The following TMEM45A variants were observed in gnomAD, a reference collection of about 807,000 sequenced individuals.
TMEM45A encodes the protein transmembrane protein 45A, also known as DNA polymerase-transactivated protein 4.
TMEM45A carries 25 observed loss-of-function variants against 32.0 expected under a neutral mutation model. That is an observed-to-expected ratio of 0.78 (90% confidence interval 0.57 to 1.09). The LOEUF (loss-of-function observed/expected upper bound fraction) is 1.09. TMEM45A is among the 50% of genes least tolerant of loss of function. The probability of loss-of-function intolerance (pLI) is 0.00; values close to 1 mark genes in which losing one functional copy is unlikely to be tolerated. For synonymous variants in TMEM45A, 122 were observed against 114.8 expected, an observed-to-expected ratio of 1.06 and a Z score of -0.40; for missense variants, 302 against 325.0, an observed-to-expected ratio of 0.93 and a Z score of 0.54.
chr3:100,527,608 T>G (rs1012210393), intron 1 of TMEM45A, among the ~76,000 whole-genome samples: 1 of 152,206 alleles, frequency 6.6e-6, no homozygotes, highest in Non-Finnish European at 1.5e-5. Flanking sequence ...TCTGAAGATT[T>G]CCAGATCTCT....
chr3:100,572,567 G>A (rs902462549), intron 5 of TMEM45A: 10 of 151,660 alleles, frequency 6.6e-5, no homozygotes, highest in African/African-American at 2.2e-4. Context: ...TCACTCTCAT[G>A]GTAGTTTCTT....
At chr3:100,501,083 T>C in intron 1 of TMEM45A, among the ~76,000 whole-genome samples, 1 of 152,194 alleles carries the variant, frequency 6.6e-6, no homozygotes, top group East Asian at 1.9e-4. Flanking sequence ...TTTTAAAAAA[T>C]ACGATATGCT....
At chr3:100,562,391 T>C (rs1182404040) in intron 4 of TMEM45A, among the ~76,000 whole-genome samples, 2 of 152,214 alleles carry the variant, frequency 1.3e-5, no homozygotes, top group Non-Finnish European at 2.9e-5. Flanking sequence ...GGAATGTTTC[T>C]ATGGCTTTCA....
At chr3:100,528,746 G>GT (rs1421024944) in intron 1 of TMEM45A, among the ~76,000 whole-genome samples, 1 of 152,012 alleles carries the variant, frequency 6.6e-6, no homozygotes, top group Admixed American at 6.6e-5. Context: ...GCATTGTACT[G>GT]TTTTTTAAAT....
At chr3:100,493,622 GTA>G (rs1411363533) in intron 1 of TMEM45A, among the ~76,000 whole-genome samples, 1 of 151,490 alleles carries the variant, frequency 6.6e-6, no homozygotes, top group East Asian at 1.9e-4. Flanking sequence ...ATATAGTATG[GTA>G]TATATACTAT....
chr3:100,493,602 T>C (rs375358673), intron 1 of TMEM45A, among the ~76,000 whole-genome samples: 161 of 151,806 alleles, frequency 1.1e-3, no homozygotes, highest in Admixed American at 2.4e-3. Context: ...CTATATAGTA[T>C]ATATGCACTA....
intron 3 of TMEM45A, among the ~76,000 whole-genome samples, chr3:100,557,960 A>T (rs530361461): frequency 9.8e-4 from 149 of 152,286 alleles, no homozygotes; most frequent in South Asian, 6.4e-3. Flanking sequence ...GCTTTGACTT[A>T]TTCATCTGTG....
At chr3:100,514,243 C>A (rs1259063919) in intron 1 of TMEM45A, among the ~76,000 whole-genome samples, 4 of 152,144 alleles carry the variant, frequency 2.6e-5, no homozygotes, top group Non-Finnish European at 5.9e-5. Flanking sequence ...AGGCTACAGT[C>A]ACCAAAACAG....
chr3:100,575,047 A>G (rs1706653050), intron 5 of TMEM45A, among the ~76,000 whole-genome samples: 1 of 152,232 alleles, frequency 6.6e-6, no homozygotes, highest in Admixed American at 6.5e-5. Context: ...CAGAAAAAAT[A>G]TAGCAGAAAA....
intron 1 of TMEM45A, among the ~76,000 whole-genome samples, chr3:100,525,567 T>A (rs1705526447): frequency 6.6e-6 from 1 of 152,222 alleles, no homozygotes; most frequent in South Asian, 2.1e-4. Context: ...TGAGAAGACC[T>A]AACTTCATTC....
intron 1 of TMEM45A, among the ~76,000 whole-genome samples, chr3:100,551,668 A>G (rs1456026863): frequency 6.6e-6 from 1 of 152,222 alleles, no homozygotes; most frequent in African/African-American, 2.4e-5. Flanking sequence ...AAAATGAAAT[A>G]AGATGAATGA....
At chr3:100,500,540 T>C (rs890011313) in intron 1 of TMEM45A, among the ~76,000 whole-genome samples, 3 of 152,256 alleles carry the variant, frequency 2.0e-5, no homozygotes, top group Non-Finnish European at 4.4e-5. Flanking sequence ...TCAGATTGAC[T>C]GTTTCCAGTC....
At chr3:100,498,720 A>C (rs899655661) in intron 1 of TMEM45A, among the ~76,000 whole-genome samples, 1 of 152,140 alleles carries the variant, frequency 6.6e-6, no homozygotes, top group Non-Finnish European at 1.5e-5. Flanking sequence ...TATGCTTTCA[A>C]TTATTTTGGG....
intron 1 of TMEM45A, among the ~76,000 whole-genome samples, chr3:100,494,774 G>A (rs1707898093): frequency 1.3e-5 from 2 of 152,156 alleles, no homozygotes; most frequent in African/African-American, 4.8e-5. Context: ...CAGCTGGCCT[G>A]GTTCAATTTA....
At chr3:100,558,304 G>C in intron 3 of TMEM45A, 101 bp from the exon 4 acceptor site, 1 of 1,419,016 alleles carries the variant, frequency 7.0e-7, no homozygotes, top group African/African-American at 1.4e-5. Context: ...TTGGACAAAT[G>C]TGTGTATGTG....
In TMEM45A at chr3:100,549,255, A is replaced by C. The variant is rs544078753; in HGVS notation, c.-3-5954A>C. Among the ~76,000 whole-genome samples, 322 of 148,736 alleles carry C rather than the reference A, an allele frequency of 2.2e-3. 2 individuals carry two copies. The highest frequency in any genetic ancestry group is 7.7e-3 in the African/African-American group (299 of 38,810). ...GAGTGAGATCCTGTCTCAAAAAAAAACAAAAAAACAAAAAAACAAACAAAA... is the reference window on the plus strand; with the variant it reads ...GAGTGAGATCCTGTCTCAAAAAAAACCAAAAAAACAAAAAAACAAACAAAA... On this transcript the variant is annotated intron_variant, in intron 1 of 5. Coordinates refer to ENST00000323523, the MANE Select transcript of TMEM45A (RefSeq NM_018004.3).
chr3:100,524,265 A>G (rs575762763), intron 1 of TMEM45A, among the ~76,000 whole-genome samples: 26 of 152,330 alleles, frequency 1.7e-4, no homozygotes, highest in African/African-American at 6.3e-4. Flanking sequence ...GTGCCATGAC[A>G]TCTCCAAACC....
intron 1 of TMEM45A, among the ~76,000 whole-genome samples, chr3:100,530,758 T>A (rs1705630402): frequency 6.6e-6 from 1 of 152,230 alleles, no homozygotes; most frequent in South Asian, 2.1e-4. Flanking sequence ...AGGATCCAGA[T>A]AAAGCCCATA....
chr3:100,563,814 A>G (rs9878163), intron 4 of TMEM45A, among the ~76,000 whole-genome samples: 49,981 of 151,988 alleles, frequency 0.33, 9,181 homozygotes, highest in African/African-American at 0.47. Context: ...CAGTATATAA[A>G]AGGGGTATTG....
Sources: allele counts gnomAD v4.1 joint callset (sites outside exome capture counted in the v4.1 genomes callset), GRCh38; gene constraint gnomAD v4.1.1; transcripts MANE v1.5; gene names NCBI Gene and HGNC (gene_info 2026-07-23, HGNC 2026-07-21).